KCNH1: variants seen among roughly 807,000 people sequenced by gnomAD.
The protein encoded by KCNH1 is voltage-gated delayed rectifier potassium channel KCNH1.
Under a neutral mutation model 69.2 loss-of-function variants are expected in KCNH1, and 27 were observed. The observed-to-expected ratio is 0.39, with a 90% confidence interval of 0.29 to 0.54. The LOEUF is 0.54. Among genes scored for constraint, KCNH1 ranks in the 20% least tolerant of loss-of-function variants. The probability of loss-of-function intolerance (pLI) is 0.68; values close to 1 mark genes in which losing one functional copy is unlikely to be tolerated. For synonymous variants in KCNH1, 456 were observed against 487.7 expected, an observed-to-expected ratio of 0.93 and a Z score of 0.86; for missense variants, 798 against 1,261.6, an observed-to-expected ratio of 0.63 and a Z score of 5.57.
intron 10 of KCNH1, among the ~76,000 whole-genome samples, chr1:210,712,970 C>T (rs1401233351): frequency 6.6e-6 from 1 of 152,150 alleles, no homozygotes; most frequent in Non-Finnish European, 1.5e-5. Context: ...TCCCCTGACA[C>T]AATGCAGATG....
rs376133940 is a variant in KCNH1, at chr1:211,032,071, T to A, written c.559-12815A>T. On this transcript the variant is annotated intron_variant, in intron 5 of 10. Coordinates refer to ENST00000271751, the MANE Select transcript of KCNH1 (RefSeq NM_172362.3). ...AAGCAACTTCAGCAAAGTCTCAGGA[T>A]ACAAAATCAATGTGCAAAAATCACA... is the stretch of plus-strand genomic sequence containing the variant. Among the ~76,000 whole-genome samples, 198 of 152,308 alleles carry A rather than the reference T, an allele frequency of 1.3e-3. 5 individuals are homozygous for A. The East Asian group carries it at 0.035, about 27-fold the overall frequency.
At chr1:211,032,866 T>C (rs938604439) in intron 5 of KCNH1, among the ~76,000 whole-genome samples, 12 of 151,960 alleles carry the variant, frequency 7.9e-5, no homozygotes, top group African/African-American at 2.9e-4. Context: ...GGACTTCACA[T>C]CTAAACACCA....
chr1:211,072,849 G>A (rs537157656), intron 5 of KCNH1, among the ~76,000 whole-genome samples: 3 of 152,214 alleles, frequency 2.0e-5, no homozygotes, highest in African/African-American at 7.2e-5. Context: ...ATAGAAAAAA[G>A]CAACAAATAC....
intron 6 of KCNH1, among the ~76,000 whole-genome samples, chr1:210,973,914 A>C (rs1447315677): frequency 1.3e-5 from 2 of 152,150 alleles, no homozygotes; most frequent in African/African-American, 2.4e-5. Flanking sequence ...GAATATTTTT[A>C]AGATAGGTTC....
chr1:210,683,306 T>G lies in KCNH1; in HGVS notation c.2945A>C (p.Glu982Ala). ...TCAGCTGGCTCCAAAAATGTCTCTC[T>G]CTGATTCTGGGGACTGTGGCCTCGA... ...EISRPQSPESERDIFGAS is the reference protein window; with the variant it reads ...EISRPQSPESARDIFGAS Residue 982 changes from glutamate (E) to alanine (A), a missense_variant, in exon 11 of 11, where the codon GAG becomes GCG. Transcript: ENST00000271751. This position sits in a 1 kb window ranked among gnomAD's most constrained non-coding sequence, Gnocchi z 5.7. 1 of 1,613,886 alleles carries G rather than the reference T, an allele frequency of 6.2e-7. No homozygotes were observed. The highest frequency in any genetic ancestry group is 8.5e-7 in the Non-Finnish European group (1 of 1,179,886).
chr1:210,815,393 A>T (rs1351287486), intron 7 of KCNH1, among the ~76,000 whole-genome samples: 1 of 152,202 alleles, frequency 6.6e-6, no homozygotes, highest in Non-Finnish European at 1.5e-5. Context: ...GACAATGGCC[A>T]TGAAGCCAGG....
intron 5 of KCNH1, among the ~76,000 whole-genome samples, chr1:211,073,277 G>A (rs1049648516): frequency 2.0e-5 from 3 of 152,160 alleles, no homozygotes; most frequent in Admixed American, 6.5e-5. Context: ...TATTATAGTT[G>A]AAGACTTCAA....
chr1:211,117,390 G>T (rs1160983575), intron 1 of KCNH1, among the ~76,000 whole-genome samples: 1 of 152,140 alleles, frequency 6.6e-6, no homozygotes, highest in Non-Finnish European at 1.5e-5. Flanking sequence ...CAGTAGACTT[G>T]GTGCTGTGCC....
Position 211,019,214 on chromosome 1 carries a change from C to G in KCNH1, c.601G>C (p.Glu201Gln). The change falls in exon 6 of 11, where the codon GAG (glutamate) becomes CAG (glutamine). Residue 201 changes from glutamate to glutamine, a missense_variant. Physicochemically the swap from Glu to Gln is conservative, Grantham distance 29 (BLOSUM62 2). This residue lies in a region of KCNH1 where 266 missense variants were observed against 457.2 expected (regional missense o/e 0.58). Transcript: ENST00000271751. ...ATGTGAGGGGGAGTCTTTGGTGCCT[C>G]TTGCTTGTACTGGGGAAGGATGTCT... ...GSDILPQYKQ[E>Q]APKTPPHIIL... The G allele has an allele frequency of 6.2e-7, 1 of 1,611,974 alleles. No homozygotes were observed. Among genetic ancestry groups the G allele is most frequent in the Non-Finnish European group, 8.5e-7 (1 of 1,179,744 alleles).
rs1021124490 is a variant in KCNH1 at position 211,079,249 on chromosome 1, C to G, written c.558+3531G>C. Among the ~76,000 whole-genome samples, 3 of 152,250 alleles carry G rather than the reference C, an allele frequency of 2.0e-5. No homozygotes were observed. The East Asian group carries it at 5.8e-4, about 29-fold the overall frequency. On this transcript the variant is annotated intron_variant, in intron 5 of 10. Coordinates refer to ENST00000271751, the MANE Select transcript of KCNH1 (RefSeq NM_172362.3). Reference sequence around the variant, plus strand: ...GGATAAATTCCTGGACACATATGCCCTCCCAAGACTAAACCAGGAAGAAGG... The same window carrying G: ...GGATAAATTCCTGGACACATATGCCGTCCCAAGACTAAACCAGGAAGAAGG...
chr1:211,117,838 T>A (rs1691609701), intron 1 of KCNH1, among the ~76,000 whole-genome samples: 2 of 152,154 alleles, frequency 1.3e-5, no homozygotes, highest in Admixed American at 1.3e-4. Flanking sequence ...GTCTAAGTAA[T>A]CAGATGTATA....
chr1:211,056,099 A>G (rs1390353837), intron 5 of KCNH1, among the ~76,000 whole-genome samples: 2 of 152,230 alleles, frequency 1.3e-5, no homozygotes, highest in East Asian at 3.9e-4. Context: ...AGTAGGGTAG[A>G]GTGCCAAGAA....
At chr1:211,057,511 T>A (rs1207402265) in intron 5 of KCNH1, among the ~76,000 whole-genome samples, 1 of 152,026 alleles carries the variant, frequency 6.6e-6, no homozygotes, top group African/African-American at 2.4e-5. Flanking sequence ...TTATGGCGTT[T>A]GCTTGTAGTC....
chr1:210,870,444 T>C (rs1686214464), intron 7 of KCNH1, among the ~76,000 whole-genome samples: 2 of 152,250 alleles, frequency 1.3e-5, no homozygotes, highest in South Asian at 4.1e-4. Context: ...CACATGGTAC[T>C]CTCCCAGCTG....
intron 6 of KCNH1, among the ~76,000 whole-genome samples, chr1:210,997,139 G>A (rs1309017461): frequency 2.0e-5 from 3 of 152,208 alleles, no homozygotes; most frequent in Non-Finnish European, 4.4e-5. Context: ...CTCCTCACCA[G>A]CAACGGAACA....
At chr1:211,126,564 AC>A (rs1691780680) in intron 1 of KCNH1, among the ~76,000 whole-genome samples, 1 of 151,354 alleles carries the variant, frequency 6.6e-6, no homozygotes, top group Non-Finnish European at 1.5e-5. Context: ...AGTCCCAGCT[AC>A]TCGGGAGGCT....
At chr1:210,745,550 G>T (rs938904497) in intron 10 of KCNH1, among the ~76,000 whole-genome samples, 3 of 152,198 alleles carry the variant, frequency 2.0e-5, no homozygotes, top group African/African-American at 7.2e-5. Context: ...GGTATAAAAT[G>T]ATATGAAGCA....
chr1:210,969,263 G>T (rs148584135), intron 6 of KCNH1, among the ~76,000 whole-genome samples: 2,048 of 151,758 alleles, frequency 0.013, 19 homozygotes, highest in Middle Eastern at 0.024. Flanking sequence ...TTGGTTTTGT[G>T]ATTTTACTGA....
intron 7 of KCNH1, chr1:210,861,621 G>T: frequency 1.3e-6 from 1 of 770,672 alleles, no homozygotes; most frequent in East Asian, 2.4e-5. Context: ...ATAGAGTATA[G>T]AGTATATACT....
Sources: gnomAD v4.1 joint callset for allele counts (sites outside exome capture counted in the v4.1 genomes callset) on GRCh38, gnomAD v4.1.1 for gene constraint, gnomAD v4.1.1 regional missense constraint, Gnocchi (gnomAD v3.1) non-coding constraint, MANE v1.5 for transcripts, NCBI Gene and HGNC (gene_info 2026-07-23, HGNC 2026-07-21) for gene names.